Variants in MYO1H observed in about 807,000 individuals in gnomAD.
MYO1H encodes the protein unconventional myosin-Ih.
MYO1H carries 118 observed loss-of-function variants against 149.3 expected under a neutral mutation model. The observed-to-expected ratio is 0.79, with a 90% CI of 0.68 to 0.92. The LOEUF is 0.92. Among genes scored for constraint, MYO1H ranks in the 40% least tolerant of loss-of-function variants. The pLI is 0.00. For missense variants in MYO1H, 1,212 were observed against 1,280.7 expected, an observed-to-expected ratio of 0.95 and a Z score of 0.82; for synonymous variants, 447 against 465.2, an observed-to-expected ratio of 0.96 and a Z score of 0.50.
At chr12:109,445,446 C>T in intron 30 of MYO1H, 67 bp from the exon 31 acceptor site, 1 of 1,180,388 alleles carries the variant, frequency 8.5e-7, no homozygotes, top group South Asian at 1.4e-5. Flanking sequence ...TGAATTTCTT[C>T]TGTAGACCAA....
intron 1 of MYO1H, among the ~76,000 whole-genome samples, chr12:109,354,992 G>T (rs1055688822): frequency 6.6e-6 from 1 of 152,138 alleles, no homozygotes; most frequent in Non-Finnish European, 1.5e-5. Flanking sequence ...AGCCTGACTT[G>T]CATTTGGTAT....
chr12:109,445,785 A>G, intron 31 of MYO1H, 173 bp downstream of exon 31: 1 of 985,446 alleles, frequency 1.0e-6, no homozygotes, highest in Non-Finnish European at 1.2e-6. Flanking sequence ...ATATAGAGAT[A>G]CACACATCTA....
chr12:109,410,035 A>G, exon 12 of MYO1H: 3 of 1,538,412 alleles, frequency 2.0e-6, no homozygotes, highest in Non-Finnish European at 2.6e-6. Context: ...CTCTAAAAGC[A>G]GAACAGGCAG....
intron 20 of MYO1H, 50 bp from the exon 21 acceptor site, chr12:109,434,987 A>G (rs377520948): frequency 3.0e-5 from 36 of 1,205,534 alleles, no homozygotes; most frequent in Non-Finnish European, 4.3e-5. Flanking sequence ...TCAACCCACT[A>G]GATGGTAAAC....
chr12:109,402,191 G>T (rs946482271), intron 6 of MYO1H, among the ~76,000 whole-genome samples: 1 of 152,200 alleles, frequency 6.6e-6, no homozygotes, highest in African/African-American at 2.4e-5. Flanking sequence ...ATATAACCCT[G>T]CAATATTTGT....
the MYO1H span, among the ~76,000 whole-genome samples, chr12:109,340,080 C>G: frequency 6.6e-6 from 1 of 152,150 alleles, no homozygotes; most frequent in Non-Finnish European, 1.5e-5. Context: ...GGACCTAGTT[C>G]AATCTTCTAT....
At chr12:109,438,497 T>A in intron 22 of MYO1H, 39 bp from the exon 23 acceptor site, 1 of 1,519,938 alleles carries the variant, frequency 6.6e-7, no homozygotes, top group Non-Finnish European at 9.1e-7. Context: ...TTCCATACGA[T>A]TGTGCTCACC....
the MYO1H span, among the ~76,000 whole-genome samples, chr12:109,310,801 C>G: frequency 3.3e-5 from 5 of 152,318 alleles, no homozygotes; most frequent in African/African-American, 9.6e-5. Context: ...GTAAATAGAT[C>G]AGCTTTCATT....
At chr12:109,318,721 G>A in the MYO1H span, among the ~76,000 whole-genome samples, 13 of 152,298 alleles carry the variant, frequency 8.5e-5, no homozygotes, top group South Asian at 2.3e-3. Context: ...AGGAGACACT[G>A]TCCCAGACCA....
At chr12:109,409,209 T>C (rs374819443) in intron 10 of MYO1H, among the ~76,000 whole-genome samples, 2,421 of 132,392 alleles carry the variant, frequency 0.018, 71 homozygotes, top group African/African-American at 0.061. Flanking sequence ...TTCTCCTTCT[T>C]CTTCTCCTTC....
intron 14 of MYO1H, among the ~76,000 whole-genome samples, chr12:109,412,840 C>T (rs1360678354): frequency 6.6e-6 from 1 of 151,854 alleles, no homozygotes; most frequent in Non-Finnish European, 1.5e-5. Context: ...GGCTGGAGTG[C>T]AGTTGTGCAA....
chr12:109,391,103 G>T (rs898943241), intron 2 of MYO1H, among the ~76,000 whole-genome samples: 7 of 152,170 alleles, frequency 4.6e-5, no homozygotes, highest in Non-Finnish European at 8.8e-5. Flanking sequence ...AACTTCAGGG[G>T]TACATGTGCA....
chr12:109,427,362 G>C (rs1216124585), intron 18 of MYO1H, 107 bp from the exon 19 acceptor site: 3 of 712,680 alleles, frequency 4.2e-6, no homozygotes, highest in Non-Finnish European at 7.6e-6. Context: ...AATGAGTCTG[G>C]GGCCAGACCC....
At chr12:109,383,303 C>T (rs537942352) in intron 1 of MYO1H, among the ~76,000 whole-genome samples, 1 of 152,354 alleles carries the variant, frequency 6.6e-6, no homozygotes, top group East Asian at 1.9e-4. Flanking sequence ...TCCTCCAGAA[C>T]TTTAGGGTAG....
Position 109,376,274 on chromosome 12 carries a change from A to G in MYO1H, c.13-12409A>G, listed in dbSNP as rs191519824. 1.1e-3 allele frequency among the ~76,000 whole-genome samples: 168 copies of G among 152,342 alleles called. 1 individual carries two copies. The highest frequency in any genetic ancestry group is 3.4e-3 in the African/African-American group (142 of 41,580). Reference sequence around the variant, plus strand: ...CACCTCAAACTGCCTAGCACTTGGTAACTACTGATCCACTTTCCATGTCTA... The same window carrying G: ...CACCTCAAACTGCCTAGCACTTGGTGACTACTGATCCACTTTCCATGTCTA... On this transcript the variant is annotated intron_variant, in intron 1 of 31. Coordinates refer to ENST00000310903, the Ensembl canonical transcript of MYO1H.
chr12:109,317,623 T>C, the MYO1H span, among the ~76,000 whole-genome samples: 1 of 152,192 alleles, frequency 6.6e-6, no homozygotes, highest in Non-Finnish European at 1.5e-5. Context: ...CACAGCAACA[T>C]AAAAGTACAG....
At chr12:109,400,774 A>C (rs541824652) in intron 5 of MYO1H, among the ~76,000 whole-genome samples, 1 of 152,326 alleles carries the variant, frequency 6.6e-6, no homozygotes, top group South Asian at 2.1e-4. Flanking sequence ...ACTGGATATC[A>C]ACATGAATAA....
chr12:109,412,895 C>T (rs1406884430), intron 14 of MYO1H, among the ~76,000 whole-genome samples: 1 of 152,054 alleles, frequency 6.6e-6, no homozygotes, highest in East Asian at 1.9e-4. Context: ...AAACGATTCT[C>T]CTGCCTCAGC....
At chr12:109,358,384 C>T (rs1247428950) in intron 1 of MYO1H, among the ~76,000 whole-genome samples, 7 of 152,034 alleles carry the variant, frequency 4.6e-5, no homozygotes, top group East Asian at 1.9e-4. Flanking sequence ...CCCTTTTTGA[C>T]GGTATAATCA....
Sources: allele counts gnomAD v4.1 joint callset (sites outside exome capture counted in the v4.1 genomes callset), GRCh38; gene constraint gnomAD v4.1.1; transcripts MANE v1.5; gene names NCBI Gene and HGNC (gene_info 2026-07-23, HGNC 2026-07-21).